The following KCNC4 variants were observed in gnomAD, a reference collection of about 807,000 sequenced individuals.
KCNC4 encodes voltage-gated potassium channel KCNC4.
KCNC4 carries 23 observed loss-of-function variants against 42.8 expected under a neutral mutation model. That is an observed-to-expected ratio of 0.54 (90% CI 0.39 to 0.76). The LOEUF (loss-of-function observed/expected upper bound fraction) is 0.76, where lower values mean the gene tolerates loss of function less well. KCNC4 is among the 30% of genes least tolerant of loss of function. The pLI, the probability that KCNC4 is intolerant of heterozygous loss-of-function variation, is 0.00. For synonymous variants in KCNC4, 422 were observed against 393.5 expected, an observed-to-expected ratio of 1.07 and a Z score of -0.86; for missense variants, 751 against 898.2, an observed-to-expected ratio of 0.84 and a Z score of 2.10.
chr1:110,245,638 T>C (rs1482833413), exon 4 of KCNC4: 1 of 152,198 alleles, frequency 6.6e-6, no homozygotes, highest in Non-Finnish European at 1.5e-5. Flanking sequence ...GAAGCTGATT[T>C]AAGACCCCTT....
At chr1:110,275,140 A>C (rs1043263467) in intron 1 of KCNC4, among the ~76,000 whole-genome samples, 1 of 152,208 alleles carries the variant, frequency 6.6e-6, no homozygotes, top group Non-Finnish European at 1.5e-5. Flanking sequence ...AGAATTTACA[A>C]GGAACTCAAA....
intron 1 of KCNC4, among the ~76,000 whole-genome samples, chr1:110,262,049 T>C (rs2101076719): frequency 6.6e-6 from 1 of 152,342 alleles, no homozygotes; most frequent in Non-Finnish European, 1.5e-5. Flanking sequence ...CCTTTAAATC[T>C]CTCATACCTG....
chr1:110,222,909 G>A (rs1658175363), intron 1 of KCNC4, 55 bp from the exon 2 acceptor site: 3 of 1,350,912 alleles, frequency 2.2e-6, no homozygotes, highest in Non-Finnish European at 3.1e-6. Context: ...GTCCCCAGCT[G>A]GGCCCATCCA....
chr1:110,220,651 G>T (rs1313258269), intron 1 of KCNC4: 1 of 152,218 alleles, frequency 6.6e-6, no homozygotes, highest in East Asian at 1.9e-4. Context: ...TGCTGTCCCT[G>T]CCCCTTACCT....
chr1:110,265,353 T>TAAATAAAATAAAATAAAATAAAATA (rs58863489), intron 1 of KCNC4, among the ~76,000 whole-genome samples: 1 of 121,486 alleles, frequency 8.2e-6, no homozygotes, highest in South Asian at 2.9e-4. Context: ...AAATAAAACA[T>TAAATAAAATAAAATAAAATAAAATA]AAATAAAATA....
At position 110,223,860 on chromosome 1, in the gene KCNC4, C is replaced by A; in HGVS notation, c.1575C>A (p.Pro525=). ...ACAGCACCTGCAGTGATACCAGCCC[C>A]CCTGCCCGGGAAGAGGGTATGATCG... ...PRDSTCSDTS[P]PAREEGMIER... Residue 525 remains proline, a synonymous_variant, in exon 2 of 4, where the codon CCC becomes CCA. Coordinates refer to ENST00000438661, the MANE Select transcript of KCNC4 (RefSeq NM_001039574.3). This position sits in a 1 kb window ranked among gnomAD's most constrained non-coding sequence, Gnocchi z 7.5. 6.2e-7 allele frequency: 1 copy of A among 1,605,176 alleles called. No individual in the cohort carries two copies. Among genetic ancestry groups the A allele is most frequent in the Non-Finnish European group, 8.5e-7 (1 of 1,173,910 alleles).
At chr1:110,222,104 GT>G (rs1338423475) in intron 1 of KCNC4, 3 of 152,212 alleles carry the variant, frequency 2.0e-5, no homozygotes, top group African/African-American at 7.2e-5. Flanking sequence ...GGAAATGTCA[GT>G]TTGTGGGAAG....
At chr1:110,216,480 T>G (rs1352485044) in intron 1 of KCNC4, among the ~76,000 whole-genome samples, 1 of 152,228 alleles carries the variant, frequency 6.6e-6, no homozygotes, top group Non-Finnish European at 1.5e-5. Flanking sequence ...TCTTCTCTTG[T>G]TCTGAACAGA....
chr1:110,229,886 G>A (rs1658607110), intron 3 of KCNC4, among the ~76,000 whole-genome samples: 1 of 152,106 alleles, frequency 6.6e-6, no homozygotes, highest in African/African-American at 2.4e-5. Context: ...CGTGCGCCTG[G>A]CAATTTTTAG....
chr1:110,273,264 C>G (rs141589018), intron 1 of KCNC4, among the ~76,000 whole-genome samples: 5 of 152,172 alleles, frequency 3.3e-5, no homozygotes, highest in African/African-American at 1.2e-4. Context: ...TAGATATGGG[C>G]CTGACCCTAG....
chr1:110,262,289 T>G (rs1452716964), intron 1 of KCNC4, among the ~76,000 whole-genome samples: 2 of 152,222 alleles, frequency 1.3e-5, no homozygotes, highest in East Asian at 1.9e-4. Flanking sequence ...TCTGGCTTCT[T>G]ATCTTGAACA....
chr1:110,239,181 C>T, exon 4 of KCNC4: 1 of 152,626 alleles, frequency 6.6e-6, no homozygotes, highest in Non-Finnish European at 1.5e-5. Context: ...TGATGCCCTG[C>T]TGCTCCTCAT....
chr1:110,242,255 G>GGA (rs532207220), exon 4 of KCNC4: 9 of 18,180 alleles, frequency 5.0e-4, no homozygotes, highest in African/African-American at 8.0e-4. Flanking sequence ...TTGGAACAGC[G>GGA]GGGGGGGCTA....
At chr1:110,232,804 G>C in intron 3 of KCNC4, 107 bp from the exon 4 acceptor site, 1 of 1,546,498 alleles carries the variant, frequency 6.5e-7, no homozygotes, top group Non-Finnish European at 8.7e-7. Context: ...CTCATTCTTT[G>C]TTTCTCCCTT....
chr1:110,235,355 T>G (rs542961633), downstream of KCNC4: 6 of 152,196 alleles, frequency 3.9e-5, no homozygotes, highest in South Asian at 1.2e-3. Context: ...AGAAAGCCAT[T>G]TGCAGCCAGG....
chr1:110,223,722 C>T lies in KCNC4; in HGVS notation c.1437C>T (p.Tyr479=), dbSNP rs774705792. 1 of 1,614,152 alleles carries T rather than the reference C, an allele frequency of 6.2e-7. No homozygotes were observed. Among genetic ancestry groups the T allele is most frequent in the South Asian group, 1.1e-5 (1 of 91,088 alleles). Residue 479 remains tyrosine (Y), a synonymous_variant, in exon 2 of 4, where the codon TAC becomes TAT. Transcript: ENST00000438661. This position sits in a 1 kb window ranked among gnomAD's most constrained non-coding sequence, Gnocchi z 7.5. ...TCGTCAACAACTTCGGCATGTACTA[C>T]TCCCTGGCCATGGCCAAGCAGAAGC... ...PVIVNNFGMY[Y]SLAMAKQKLP... is the part of the protein sequence containing the mutation.
At chr1:110,230,616 C>T (rs1180570651) in intron 3 of KCNC4, among the ~76,000 whole-genome samples, 2 of 152,234 alleles carry the variant, frequency 1.3e-5, no homozygotes. Flanking sequence ...TCATGGCACC[C>T]CTACGGTGGG....
At chr1:110,234,729 G>C (rs2101047018), downstream of KCNC4, 1 of 152,348 alleles carries the variant, frequency 6.6e-6, no homozygotes, top group Non-Finnish European at 1.5e-5. Context: ...GGTTGAACAG[G>C]GGCCCTGCGT....
chr1:110,278,928 A>G (rs913519328), intron 1 of KCNC4, among the ~76,000 whole-genome samples: 1 of 152,060 alleles, frequency 6.6e-6, no homozygotes, highest in Non-Finnish European at 1.5e-5. Context: ...CAGGGGCCCA[A>G]CTGCAACCTT....
Sources: allele counts gnomAD v4.1 joint callset (sites outside exome capture counted in the v4.1 genomes callset), GRCh38; gene constraint gnomAD v4.1.1; non-coding constraint Gnocchi (gnomAD v3.1); transcripts MANE v1.5; gene names NCBI Gene and HGNC (gene_info 2026-07-23, HGNC 2026-07-21).